The following RORA variants were observed in gnomAD, a reference collection of about 807,000 sequenced individuals.
RORA encodes nuclear receptor ROR-alpha.
RORA carries 7 observed loss-of-function variants against 69.5 expected under a neutral mutation model. That is an observed-to-expected ratio of 0.10 (90% CI 0.06 to 0.19). The LOEUF is 0.19. Among genes scored for constraint, RORA ranks in the 10% least tolerant of loss-of-function variants. RORA has a pLI of 1.00. For synonymous variants in RORA, 261 were observed against 240.8 expected (o/e 1.08, Z -0.78); for missense variants, 457 against 663.0 (o/e 0.69, Z 3.41).
At chr15:61,044,527 A>AT (rs1328696556) in intron 1 of RORA, among the ~76,000 whole-genome samples, 2 of 152,204 alleles carry the variant, frequency 1.3e-5, no homozygotes, top group Non-Finnish European at 2.9e-5. Flanking sequence ...AAATATCTCA[A>AT]TTTTTTTACA....
intron 2 of RORA, among the ~76,000 whole-genome samples, chr15:60,641,223 A>G (rs969027350): frequency 1.3e-5 from 2 of 152,160 alleles, no homozygotes; most frequent in African/African-American, 2.4e-5. Context: ...AAGTGCTGGG[A>G]TTACAGGCAA....
chr15:60,612,437 T>C (rs2069113728), intron 2 of RORA, among the ~76,000 whole-genome samples: 1 of 152,208 alleles, frequency 6.6e-6, no homozygotes, highest in East Asian at 1.9e-4. Flanking sequence ...AGTGGATGTA[T>C]GCCCAGTTGA....
At chr15:61,175,109 G>A (rs4774389) in intron 1 of RORA, among the ~76,000 whole-genome samples, 76,896 of 151,960 alleles carry the variant, frequency 0.51, 20,450 homozygotes, top group Non-Finnish European at 0.6. Context: ...ATGGCTAGCC[G>A]GAAAACACTA....
At chr15:60,772,501 T>C (rs2072093279) in intron 1 of RORA, among the ~76,000 whole-genome samples, 1 of 152,264 alleles carries the variant, frequency 6.6e-6, no homozygotes, top group South Asian at 2.1e-4. Context: ...CTTTAAAAGC[T>C]GTTTTAAATG....
At chr15:60,719,268 T>C (rs1368205447) in intron 1 of RORA, among the ~76,000 whole-genome samples, 1 of 151,998 alleles carries the variant, frequency 6.6e-6, no homozygotes, top group Non-Finnish European at 1.5e-5. Flanking sequence ...ACATGATGTC[T>C]GAGATTTTCA....
intron 1 of RORA, among the ~76,000 whole-genome samples, chr15:61,014,326 T>A (rs1475339086): frequency 6.6e-6 from 1 of 152,254 alleles, no homozygotes; most frequent in Non-Finnish European, 1.5e-5. Flanking sequence ...TGGCACATAG[T>A]AGGTCCTTAG....
At chr15:60,826,384 A>C (rs1372696252) in intron 1 of RORA, among the ~76,000 whole-genome samples, 1 of 152,148 alleles carries the variant, frequency 6.6e-6, no homozygotes, top group Non-Finnish European at 1.5e-5. Context: ...CGGGTGCTAA[A>C]AACAACCCCT....
intron 1 of RORA, among the ~76,000 whole-genome samples, chr15:60,827,767 G>A (rs530414584): frequency 2.0e-5 from 3 of 152,218 alleles, no homozygotes; most frequent in Non-Finnish European, 2.9e-5. Flanking sequence ...CTCCGCGTGA[G>A]CCTGGGGCTG....
intron 1 of RORA, among the ~76,000 whole-genome samples, chr15:60,806,830 A>G (rs914080527): frequency 6.6e-6 from 1 of 152,170 alleles, no homozygotes; most frequent in Non-Finnish European, 1.5e-5. Context: ...GGCAGGCTTG[A>G]AGGTGTCAAA....
chr15:61,185,319 T>C (rs1283992312), intron 1 of RORA, among the ~76,000 whole-genome samples: 3 of 152,146 alleles, frequency 2.0e-5, no homozygotes, highest in Admixed American at 6.5e-5. Context: ...TCTTTTTTTT[T>C]TTCCTATGAG....
intron 1 of RORA, among the ~76,000 whole-genome samples, chr15:61,049,945 C>T (rs8032464): frequency 6.6e-6 from 1 of 152,182 alleles, no homozygotes; most frequent in African/African-American, 2.4e-5. Flanking sequence ...AGGTGTGAGC[C>T]ACGGCACTCG....
At chr15:60,874,820 T>A (rs891962208) in intron 1 of RORA, among the ~76,000 whole-genome samples, 4 of 152,200 alleles carry the variant, frequency 2.6e-5, no homozygotes, top group Non-Finnish European at 4.4e-5. Flanking sequence ...GTGTACAAAT[T>A]CTGCTTTTTC....
At chr15:61,097,967 C>T (rs1421125193) in intron 1 of RORA, among the ~76,000 whole-genome samples, 1 of 152,162 alleles carries the variant, frequency 6.6e-6, no homozygotes, top group African/African-American at 2.4e-5. Flanking sequence ...GACTGGAACC[C>T]AAGTTTTCTG....
chr15:61,021,307 A>C (rs936099930), intron 1 of RORA, among the ~76,000 whole-genome samples: 2 of 152,244 alleles, frequency 1.3e-5, no homozygotes, highest in African/African-American at 4.8e-5. Flanking sequence ...AATGACTATG[A>C]GTAACCAATT....
intron 1 of RORA, among the ~76,000 whole-genome samples, chr15:61,160,997 G>A (rs2079490492): frequency 6.6e-6 from 1 of 152,152 alleles, no homozygotes; most frequent in Admixed American, 6.5e-5. Context: ...CCCATTAAAA[G>A]CCAATTGTAT....
intron 1 of RORA, among the ~76,000 whole-genome samples, chr15:61,100,547 T>A (rs1674226316): frequency 6.6e-6 from 1 of 152,152 alleles, no homozygotes; most frequent in African/African-American, 2.4e-5. Flanking sequence ...GGGCTATCTG[T>A]GGCTAGAGAG....
At chr15:61,060,107 C>T (rs1461630460) in intron 1 of RORA, among the ~76,000 whole-genome samples, 1 of 151,876 alleles carries the variant, frequency 6.6e-6, no homozygotes. Flanking sequence ...GAGGGGTTTC[C>T]GTATTATTTG....
chr15:61,014,506 T>A (rs888148956), intron 1 of RORA, among the ~76,000 whole-genome samples: 2 of 152,250 alleles, frequency 1.3e-5, no homozygotes, highest in African/African-American at 4.8e-5. Flanking sequence ...GAGGTCACTT[T>A]GACTTCTATT....
At chr15:60,972,871 C>T (rs1893759473) in intron 1 of RORA, among the ~76,000 whole-genome samples, 1 of 152,078 alleles carries the variant, frequency 6.6e-6, no homozygotes, top group African/African-American at 2.4e-5. Flanking sequence ...ATTATAATTG[C>T]TATTATCATT....
Sources: gnomAD v4.1 joint callset for allele counts (sites outside exome capture counted in the v4.1 genomes callset) on GRCh38, gnomAD v4.1.1 for gene constraint, MANE v1.5 for transcripts, NCBI Gene and HGNC (gene_info 2026-07-23, HGNC 2026-07-21) for gene names.